The following CFAP74 variants were observed in gnomAD, a reference collection of about 807,000 sequenced individuals.
CFAP74 encodes the protein cilia and flagella associated protein 74.
A neutral mutation model predicts 188.9 loss-of-function variants in CFAP74; 124 were observed. The observed-to-expected ratio is 0.66, with a 90% CI of 0.57 to 0.76. CFAP74 has a LOEUF of 0.76. Among genes scored for constraint, CFAP74 ranks in the 30% least tolerant of loss-of-function variants. CFAP74 has a pLI of 0.00. For synonymous variants in CFAP74, 956 were observed against 916.7 expected (o/e 1.04, Z -0.77); for missense variants, 2,198 against 2,165.2 (o/e 1.02, Z -0.30).
chr1:1,967,951 CAGTG>C (rs770877669), intron 11 of CFAP74, among the ~76,000 whole-genome samples: 16 of 96,294 alleles, frequency 1.7e-4, no homozygotes, highest in South Asian at 5.6e-4. Flanking sequence ...ATGAGTGAAT[CAGTG>C]AGTGAGTGAA....
rs1651895166 is a variant in CFAP74, at chr1:1,926,366, G to C, written c.3829-19C>G. ...AGTCCAGCTGAGGGTCCACGTCAAG[G>C]AGGGGATACAGGTGTCTGCAGGCTC... On this transcript the variant is annotated intron_variant, in intron 31 of 38. Transcript: ENST00000682832. 1 of 1,549,390 alleles carries C rather than the reference G, an allele frequency of 6.5e-7. No individual in the cohort carries two copies. The highest frequency in any genetic ancestry group is 8.7e-7 in the Non-Finnish European group (1 of 1,146,508).
chr1:1,987,908 G>A lies in CFAP74; in HGVS notation c.296+604C>T, dbSNP rs1406878509. The A allele has an allele frequency of 5.0e-5, 17 of 337,326 alleles. No homozygotes were observed. In the East Asian group the frequency reaches 1.3e-3, roughly 26 times the overall value. The allele number at this position is 337,326 out of a possible 1,614,324, so 20.9% of individuals were successfully genotyped here. A position where few individuals can be genotyped will look rare whatever the true frequency, so the allele number is the denominator to read the frequency against. ...GAGGGAAATCGTAGTTTCCCCGGGT[G>A]AAGTACCCAAGTTAGGTGCCCGAGT... On this transcript the variant is annotated intron_variant, in intron 4 of 38. Coordinates refer to ENST00000682832, the MANE Select transcript of CFAP74 (RefSeq NM_001304360.2).
rs531561459 is a variant in CFAP74 at position 1,942,984 on chromosome 1, C to T, written c.2487-828G>A. Among the ~76,000 whole-genome samples, 32 of 152,352 alleles carry T rather than the reference C, an allele frequency of 2.1e-4. No individual in the cohort carries two copies. The highest frequency in any genetic ancestry group is 7.7e-4 in the African/African-American group (32 of 41,584). ...CTCTGACCACTACCCAGAGGCCACC[C>T]ACAGTGCGTCTGGGCACGCCAGCCT... On this transcript the variant is annotated intron_variant, in intron 21 of 38. Transcript: ENST00000682832. This position sits in a 1 kb window ranked among gnomAD's most constrained non-coding sequence, Gnocchi z 4.3.
At chr1:1,927,928 C>T in intron 27 of CFAP74, 182 bp from the exon 28 acceptor site, 1 of 615,900 alleles carries the variant, frequency 1.6e-6, no homozygotes, top group Non-Finnish European at 2.8e-6. Context: ...GCACACAGAC[C>T]CCCACAGAGC....
intron 18 of CFAP74, chr1:1,953,405 C>G (rs975699341): frequency 6.6e-6 from 1 of 151,914 alleles, no homozygotes; most frequent in Non-Finnish European, 1.5e-5. Context: ...AAGCAATTCT[C>G]TTGCCTCAGC....
Position 1,928,887 on chromosome 1 carries a change from G to A in CFAP74, c.3289-5C>T, listed in dbSNP as rs952197674. 2.4e-5 allele frequency: 37 copies of A among 1,533,460 alleles called. No homozygotes were observed. The highest frequency in any genetic ancestry group is 2.6e-5 in the Non-Finnish European group (30 of 1,144,950). 95.0% of individuals were successfully genotyped at this position (1,533,460 alleles called of 1,614,324 possible). A position where few individuals can be genotyped will look rare whatever the true frequency, so the allele number is the denominator to read the frequency against. On this transcript the variant is annotated splice_region_variant and splice_polypyrimidine_tract_variant and intron_variant, in intron 26 of 38. Coordinates refer to ENST00000682832, the MANE Select transcript of CFAP74 (RefSeq NM_001304360.2). ...GGCCACCTGGACCAGGCACCTCTGA[G>A]GAGAGACCAGCGTGGGCACAGGGGT...
At chr1:1,969,879 A>G (rs1655810792) in intron 10 of CFAP74, among the ~76,000 whole-genome samples, 1 of 152,242 alleles carries the variant, frequency 6.6e-6, no homozygotes, top group African/African-American at 2.4e-5. Flanking sequence ...AGGGCCGTGG[A>G]CAGGGAGACT....
chr1:1,997,312 C>T (rs941425596), intron 1 of CFAP74, among the ~76,000 whole-genome samples: 1 of 151,824 alleles, frequency 6.6e-6, no homozygotes, highest in Non-Finnish European at 1.5e-5. Flanking sequence ...ATCCCAGCTA[C>T]TTGGGAGGCT....
In CFAP74 at chr1:1,973,528, G is replaced by A. The variant is rs1656231968; in HGVS notation, c.675-481C>T. Among the ~76,000 whole-genome samples the A allele has an allele frequency of 6.6e-6, 1 of 152,126 alleles. No homozygotes were observed. Among genetic ancestry groups the A allele is most frequent in the East Asian group, 1.9e-4 (1 of 5,170 alleles). On this transcript the variant is annotated intron_variant, in intron 7 of 38. Transcript: ENST00000682832. This position sits in a 1 kb window ranked among gnomAD's most constrained non-coding sequence, Gnocchi z 6.2. ...GGGACAGCTGGCCTGATGGCCTGTG[G>A]AGCACTTGGGGACTGGCCTAGTAGG... is the stretch of plus-strand genomic sequence containing the variant.
chr1:1,938,945 G>A lies in CFAP74; in HGVS notation c.2921C>T (p.Pro974Leu). ...CACACAGAACTGCAGCGTTTCCAGG[G>A]GCAGGATCGTCCCAAACCCATCGTT... is the stretch of plus-strand genomic sequence containing the variant. ...QPNDGFGTIL[P>L]LETLQFCVIF... Residue 974 changes from proline (P) to leucine (L), a missense_variant, in exon 25 of 39, where the codon CCC becomes CTC. By Grantham distance (98) the Pro-to-Leu change is moderately conservative. Coordinates refer to ENST00000682832, the MANE Select transcript of CFAP74 (RefSeq NM_001304360.2). 1.3e-6 allele frequency: 2 copies of A among 1,536,148 alleles called. No individual in the cohort carries two copies. The highest frequency in any genetic ancestry group is 2.0e-5 in the Admixed American group (1 of 51,004).
At chr1:1,966,961 C>G (rs1316799352) in intron 11 of CFAP74, among the ~76,000 whole-genome samples, 1 of 151,976 alleles carries the variant, frequency 6.6e-6, no homozygotes, top group South Asian at 2.1e-4. Context: ...CTCAGCCTCC[C>G]GAGTAGCTGG....
At chr1:1,938,213 A>T (rs56654033) in intron 25 of CFAP74, among the ~76,000 whole-genome samples, 4 of 138,284 alleles carry the variant, frequency 2.9e-5, no homozygotes, top group African/African-American at 8.2e-5. Context: ...GCTCACACAT[A>T]CATGCACTCA....
At chr1:1,993,885 G>GGCTC (rs1298241217) in intron 1 of CFAP74, among the ~76,000 whole-genome samples, 2 of 151,216 alleles carry the variant, frequency 1.3e-5, no homozygotes, top group South Asian at 4.2e-4. Flanking sequence ...GGGAGGCTGA[G>GGCTC]GCAGGAGAAT....
chr1:1,951,307 G>A (rs1021548187), intron 18 of CFAP74, among the ~76,000 whole-genome samples: 12 of 152,174 alleles, frequency 7.9e-5, no homozygotes, highest in African/African-American at 1.9e-4. Flanking sequence ...CTCTCCACAC[G>A]TGGGGATTAC....
At chr1:1,927,069 A>C in intron 28 of CFAP74, 41 bp from the exon 29 acceptor site, 3 of 1,548,916 alleles carry the variant, frequency 1.9e-6, no homozygotes, top group Non-Finnish European at 1.7e-6. Flanking sequence ...CCTTGCCCCC[A>C]CCCACCATCG....
intron 25 of CFAP74, among the ~76,000 whole-genome samples, chr1:1,934,632 CGTGTGT>C (rs1652707661): frequency 8.7e-6 from 1 of 115,476 alleles, no homozygotes; most frequent in Non-Finnish European, 1.8e-5. Context: ...TAGGTACACA[CGTGTGT>C]ACGTGGGTGT....
In CFAP74 at chr1:1,970,917, G is replaced by C. The variant is rs76235226; in HGVS notation, c.889-101C>G. The stretch of plus-strand genomic sequence containing the variant: ...CACACACAGGTTCATACATGCACAC[G>C]TGCACACACGTGCACACACACATGC... On this transcript the variant is annotated intron_variant, in intron 9 of 38. Coordinates refer to ENST00000682832, the MANE Select transcript of CFAP74 (RefSeq NM_001304360.2). 5.4e-3 allele frequency: 7,036 copies of C among 1,296,222 alleles called. 207 individuals carry two copies. The East Asian group carries it at 0.076, about 14-fold the overall frequency. The allele number at this position is 1,296,222 out of a possible 1,614,324, so 80.3% of individuals were successfully genotyped here.
At chr1:1,926,026 C>T (rs1651862451) in intron 32 of CFAP74, 88 bp from the exon 33 acceptor site, 1 of 1,455,172 alleles carries the variant, frequency 6.9e-7, no homozygotes, top group Non-Finnish European at 9.2e-7. Context: ...GTTCTCAACG[C>T]TGGAGTTGAG....
chr1:1,939,361 G>A (rs1558003590), intron 24 of CFAP74, among the ~76,000 whole-genome samples: 1 of 152,214 alleles, frequency 6.6e-6, no homozygotes, highest in Non-Finnish European at 1.5e-5. Context: ...AAGAAAGAGC[G>A]GGGAGAGGGA....
Sources: gnomAD v4.1 joint callset for allele counts (sites outside exome capture counted in the v4.1 genomes callset) on GRCh38, gnomAD v4.1.1 for gene constraint, Gnocchi (gnomAD v3.1) non-coding constraint, MANE v1.5 for transcripts, NCBI Gene and HGNC (gene_info 2026-07-23, HGNC 2026-07-21) for gene names.